Variants in E2F3 observed in about 807,000 individuals in gnomAD.
The protein encoded by E2F3 is transcription factor E2F3.
E2F3 carries 11 observed loss-of-function variants against 44.4 expected under a neutral mutation model. That is an observed-to-expected ratio of 0.25 (90% CI 0.16 to 0.41). E2F3 has a LOEUF of 0.41. E2F3 is among the 10% of genes least tolerant of loss of function. E2F3 has a pLI of 1.00. For synonymous variants in E2F3, 249 were observed against 253.0 expected (o/e 0.98, Z 0.15); for missense variants, 487 against 583.6 (o/e 0.83, Z 1.70).
intron 1 of E2F3, among the ~76,000 whole-genome samples, chr6:20,454,137 C>A (rs943398231): frequency 5.3e-5 from 8 of 152,180 alleles, no homozygotes; most frequent in African/African-American, 1.9e-4. Context: ...TTTTATGAGC[C>A]CTAAGAACAG....
chr6:20,476,517 C>T (rs1438172862), intron 1 of E2F3, among the ~76,000 whole-genome samples: 1 of 152,232 alleles, frequency 6.6e-6, no homozygotes, highest in Non-Finnish European at 1.5e-5. Flanking sequence ...CTCCTTCTCT[C>T]CACTCTGCTT....
At chr6:20,466,160 T>C (rs1168287454) in intron 1 of E2F3, among the ~76,000 whole-genome samples, 3 of 152,130 alleles carry the variant, frequency 2.0e-5, no homozygotes, top group Non-Finnish European at 4.4e-5. Flanking sequence ...TCACCCAGGC[T>C]GGAGTGCAGT....
chr6:20,458,074 G>C (rs181794374), intron 1 of E2F3, among the ~76,000 whole-genome samples: 39 of 152,158 alleles, frequency 2.6e-4, no homozygotes, highest in African/African-American at 8.2e-4. Flanking sequence ...AGGCCTTTCT[G>C]TTTGATTTTT....
intron 1 of E2F3, among the ~76,000 whole-genome samples, chr6:20,448,341 A>G (rs1426998558): frequency 6.6e-6 from 1 of 152,202 alleles, no homozygotes; most frequent in Non-Finnish European, 1.5e-5. Flanking sequence ...GTGTCCATAC[A>G]GGAGAAATTG....
At chr6:20,480,567 G>A (rs1468404272) in intron 2 of E2F3, among the ~76,000 whole-genome samples, 1 of 152,184 alleles carries the variant, frequency 6.6e-6, no homozygotes, top group Non-Finnish European at 1.5e-5. Flanking sequence ...CAAATTGTGT[G>A]ACACTAAATT....
intron 1 of E2F3, among the ~76,000 whole-genome samples, chr6:20,407,361 C>T (rs2127583730): frequency 6.6e-6 from 1 of 152,300 alleles, no homozygotes; most frequent in South Asian, 2.1e-4. Context: ...TTAAATATGG[C>T]ACTGTGGGCT....
chr6:20,424,079 G>A (rs995604550), intron 1 of E2F3, among the ~76,000 whole-genome samples: 8 of 152,166 alleles, frequency 5.3e-5, no homozygotes, highest in African/African-American at 1.9e-4. Context: ...CGAAATTACA[G>A]CTTTTACAGT....
chr6:20,472,606 C>T (rs116311159), intron 1 of E2F3, among the ~76,000 whole-genome samples: 2,876 of 152,136 alleles, frequency 0.019, 91 homozygotes, highest in African/African-American at 0.065. Flanking sequence ...TTTGAGGCTT[C>T]AGTGAACCAT....
At chr6:20,418,457 T>C (rs1759921484) in intron 1 of E2F3, among the ~76,000 whole-genome samples, 1 of 152,200 alleles carries the variant, frequency 6.6e-6, no homozygotes, top group Admixed American at 6.5e-5. Flanking sequence ...GAGATCTCAA[T>C]AGGAGTAGGT....
At chr6:20,440,017 T>TGCCCTGCCAGGAC (rs1760721949) in intron 1 of E2F3, 2 of 152,212 alleles carry the variant, frequency 1.3e-5, no homozygotes, top group South Asian at 4.1e-4. Flanking sequence ...CCAGCCAGGG[T>TGCCCTGCCAGGAC]GCCCTGCCAG....
intron 1 of E2F3, among the ~76,000 whole-genome samples, chr6:20,426,914 A>G (rs890632688): frequency 3.9e-5 from 6 of 152,198 alleles, no homozygotes; most frequent in African/African-American, 7.2e-5. Context: ...AATTAGACCT[A>G]GAATCTAAAT....
chr6:20,423,351 T>A (rs1760089685), intron 1 of E2F3, among the ~76,000 whole-genome samples: 2 of 151,988 alleles, frequency 1.3e-5, no homozygotes, highest in Admixed American at 6.6e-5. Context: ...GTGGTATGTA[T>A]CCAAACATAG....
At chr6:20,470,297 G>C (rs1386859507) in intron 1 of E2F3, among the ~76,000 whole-genome samples, 1 of 152,174 alleles carries the variant, frequency 6.6e-6, no homozygotes, top group Non-Finnish European at 1.5e-5. Context: ...TTGCTTGCCT[G>C]TATACTTGTT....
intron 1 of E2F3, among the ~76,000 whole-genome samples, chr6:20,435,294 T>C (rs529301179): frequency 1.3e-5 from 2 of 152,088 alleles, no homozygotes; most frequent in South Asian, 4.2e-4. Context: ...CCCCAAGTCA[T>C]GTAAAAAATT....
chr6:20,486,404 C>G (rs888421020), intron 4 of E2F3, among the ~76,000 whole-genome samples: 34 of 152,288 alleles, frequency 2.2e-4, no homozygotes, highest in African/African-American at 7.9e-4. Context: ...TCCCGAGTAG[C>G]TGGGACTACA....
At chr6:20,412,534 A>T (rs1759709064) in intron 1 of E2F3, among the ~76,000 whole-genome samples, 1 of 151,964 alleles carries the variant, frequency 6.6e-6, no homozygotes, top group African/African-American at 2.4e-5. Context: ...TGGGGAGATA[A>T]CAGGACCGAA....
At chr6:20,420,830 C>T (rs534267676) in intron 1 of E2F3, among the ~76,000 whole-genome samples, 15 of 152,270 alleles carry the variant, frequency 9.9e-5, no homozygotes, top group Admixed American at 3.9e-4. Flanking sequence ...TCAAGTTTTC[C>T]ACATTGATTG....
At chr6:20,432,142 C>T (rs1760422900) in intron 1 of E2F3, among the ~76,000 whole-genome samples, 1 of 152,188 alleles carries the variant, frequency 6.6e-6, no homozygotes, top group African/African-American at 2.4e-5. Flanking sequence ...TGGGGGTGGG[C>T]GTTTAGCCCA....
rs1041530033 is a variant in E2F3 at position 20,448,950 on chromosome 6, A to G, written c.394-30896A>G. Among the ~76,000 whole-genome samples the G allele has an allele frequency of 2.6e-5, 4 of 152,370 alleles. No homozygotes were observed. The South Asian group carries it at 6.2e-4, about 24-fold the overall frequency. On this transcript the variant is annotated intron_variant, in intron 1 of 6. Coordinates refer to ENST00000346618, the MANE Select transcript of E2F3 (RefSeq NM_001949.5). ...TAAAACTAAAAGCCTGGCTTCTTTC[A>G]TCTTCAGAGACCTGCCTTAGTAAAT...
Sources: allele counts gnomAD v4.1 joint callset (sites outside exome capture counted in the v4.1 genomes callset), GRCh38; gene constraint gnomAD v4.1.1; transcripts MANE v1.5; gene names NCBI Gene and HGNC (gene_info 2026-07-23, HGNC 2026-07-21).